Variants in SPAG16 observed in about 807,000 individuals in gnomAD.
SPAG16 encodes the protein sperm associated antigen 16.
SPAG16 carries 86 observed loss-of-function variants against 80.4 expected under a neutral mutation model. The ratio of observed to expected loss-of-function variants is 1.07; its 90% confidence interval spans 0.90 to 1.28. The LOEUF (loss-of-function observed/expected upper bound fraction) is 1.28. Among genes scored for constraint, SPAG16 ranks in the 50% most tolerant of loss-of-function variants. The pLI, the probability that SPAG16 is intolerant of heterozygous loss-of-function variation, is 0.00. For missense variants in SPAG16, 870 were observed against 765.3 expected (o/e 1.14, Z -1.61); for synonymous variants, 294 against 265.9 (o/e 1.11, Z -1.03).
intron 9 of SPAG16, among the ~76,000 whole-genome samples, chr2:213,476,404 A>C (rs993240434): frequency 1.3e-5 from 2 of 152,192 alleles, no homozygotes; most frequent in African/African-American, 4.8e-5. Flanking sequence ...GATTGGAATA[A>C]AGTGAACATT....
intron 10 of SPAG16, among the ~76,000 whole-genome samples, chr2:213,526,040 T>C (rs969294782): frequency 6.6e-6 from 1 of 152,222 alleles, no homozygotes; most frequent in African/African-American, 2.4e-5. Flanking sequence ...TCCACATTTC[T>C]AAATAGCCTC....
At chr2:214,170,198 ATATACACACACACTTAGGTGTGTATACG>A (rs766655038) in intron 15 of SPAG16, among the ~76,000 whole-genome samples, 27,750 of 144,490 alleles carry the variant, frequency 0.19, 3,408 homozygotes, top group Non-Finnish European at 0.26. Context: ...GTGTGTATAC[ATATACACACACACTTAGGTGTGTATACG>A]TATACACACA....
intron 10 of SPAG16, among the ~76,000 whole-genome samples, chr2:213,615,908 G>A (rs924132149): frequency 6.6e-6 from 1 of 152,090 alleles, no homozygotes; most frequent in African/African-American, 2.4e-5. Context: ...TGGGGGCAAG[G>A]GGAGGGATAG....
intron 12 of SPAG16, among the ~76,000 whole-genome samples, chr2:214,006,534 A>T (rs545849506): frequency 3.7e-4 from 57 of 152,352 alleles, no homozygotes; most frequent in African/African-American, 1.3e-3. Flanking sequence ...GAAAACCAAG[A>T]CGTAAGTTAA....
chr2:213,719,997 C>T (rs1411239557), intron 10 of SPAG16, among the ~76,000 whole-genome samples: 1 of 152,178 alleles, frequency 6.6e-6, no homozygotes, highest in Non-Finnish European at 1.5e-5. Context: ...CTATGGAATA[C>T]TATGCAGCCA....
chr2:213,593,734 T>C (rs2060785294), intron 10 of SPAG16, among the ~76,000 whole-genome samples: 3 of 122,916 alleles, frequency 2.4e-5, no homozygotes, highest in African/African-American at 2.9e-5. Flanking sequence ...TACCCCATCA[T>C]CCCCACCACA....
intron 15 of SPAG16, among the ~76,000 whole-genome samples, chr2:214,283,073 G>C (rs1302621259): frequency 1.3e-5 from 2 of 151,984 alleles, no homozygotes; most frequent in Non-Finnish European, 2.9e-5. Flanking sequence ...TGTAAGAAAA[G>C]ATGCAGCCTA....
intron 15 of SPAG16, among the ~76,000 whole-genome samples, chr2:214,211,062 T>C (rs1376606683): frequency 6.6e-6 from 1 of 152,146 alleles, no homozygotes; most frequent in Non-Finnish European, 1.5e-5. Flanking sequence ...GATGATAATA[T>C]TGCTACTCAC....
At chr2:213,488,511 A>G (rs969470423) in intron 9 of SPAG16, among the ~76,000 whole-genome samples, 2 of 152,180 alleles carry the variant, frequency 1.3e-5, no homozygotes, top group Non-Finnish European at 2.9e-5. Context: ...AAATCACTGA[A>G]TAAGTAAAAT....
At chr2:213,481,658 G>A (rs1349099142) in intron 9 of SPAG16, among the ~76,000 whole-genome samples, 1 of 152,206 alleles carries the variant, frequency 6.6e-6, no homozygotes, top group Non-Finnish European at 1.5e-5. Context: ...AAGAAACAGA[G>A]GGATAAGTAA....
chr2:214,204,832 G>T (rs1474493579), intron 15 of SPAG16, among the ~76,000 whole-genome samples: 2 of 152,116 alleles, frequency 1.3e-5, no homozygotes, highest in African/African-American at 2.4e-5. Context: ...AAACCAAGAA[G>T]AAATCTCTGA....
At chr2:214,118,661 C>A (rs144387873) in intron 14 of SPAG16, among the ~76,000 whole-genome samples, 1 of 152,018 alleles carries the variant, frequency 6.6e-6, no homozygotes, top group Admixed American at 6.6e-5. Context: ...TGAGGGTAAC[C>A]GCCCCCATGA....
intron 11 of SPAG16, among the ~76,000 whole-genome samples, chr2:213,896,790 C>T (rs961767894): frequency 2.0e-5 from 3 of 151,928 alleles, no homozygotes; most frequent in Admixed American, 6.6e-5. Context: ...AAGCCTGGTA[C>T]ATGTTCTCAC....
intron 9 of SPAG16, among the ~76,000 whole-genome samples, chr2:213,457,130 G>A (rs1180629057): frequency 2.0e-5 from 3 of 151,930 alleles, no homozygotes; most frequent in Non-Finnish European, 4.4e-5. Flanking sequence ...TCCACTTAAC[G>A]TTGCATGTTT....
chr2:214,275,412 C>T (rs1429980404), intron 15 of SPAG16, among the ~76,000 whole-genome samples: 1 of 151,966 alleles, frequency 6.6e-6, no homozygotes, highest in Non-Finnish European at 1.5e-5. Flanking sequence ...TAGATCTTTC[C>T]TGCTTTTGTG....
intron 15 of SPAG16, among the ~76,000 whole-genome samples, chr2:214,152,802 C>A (rs976370414): frequency 1.5e-4 from 23 of 152,160 alleles, no homozygotes; most frequent in Non-Finnish European, 1.3e-4. Flanking sequence ...ACAGGGGGCC[C>A]TTCCCTGCCT....
At chr2:213,947,632 C>T (rs971730632) in intron 12 of SPAG16, among the ~76,000 whole-genome samples, 1 of 152,070 alleles carries the variant, frequency 6.6e-6, no homozygotes, top group South Asian at 2.1e-4. Flanking sequence ...TTTTGGCTTA[C>T]AAATTTCTAA....
intron 15 of SPAG16, among the ~76,000 whole-genome samples, chr2:214,168,349 T>C (rs1685386819): frequency 6.6e-6 from 1 of 152,098 alleles, no homozygotes; most frequent in South Asian, 2.1e-4. Context: ...AATAACAAAA[T>C]AGTGCATGTT....
intron 10 of SPAG16, among the ~76,000 whole-genome samples, chr2:213,702,376 C>T (rs6435788): frequency 0.073 from 11,091 of 152,244 alleles, 1,243 homozygotes; most frequent in African/African-American, 0.24. Flanking sequence ...ATAAATCTTG[C>T]TGCTGCTGTT....
Sources: gnomAD v4.1 joint callset for allele counts (sites outside exome capture counted in the v4.1 genomes callset) on GRCh38, gnomAD v4.1.1 for gene constraint, MANE v1.5 for transcripts, NCBI Gene and HGNC (gene_info 2026-07-23, HGNC 2026-07-21) for gene names.